Variants in PRELID2 observed in about 807,000 individuals in gnomAD.
PRELID2 encodes PRELI domain containing 2, also known as PRELI domain-containing protein 2.
Under a neutral mutation model 28.4 loss-of-function variants are expected in PRELID2, and 25 were observed. The ratio of observed to expected loss-of-function variants is 0.88; its 90% CI spans 0.64 to 1.23. The LOEUF is 1.23. Ranked by LOEUF, PRELID2 falls within the 50% of genes most tolerant of loss-of-function variation. The pLI, the probability that PRELID2 is intolerant of heterozygous loss-of-function variation, is 0.00. For synonymous variants in PRELID2, 76 were observed against 71.6 expected, an observed-to-expected ratio of 1.06 and a Z score of -0.31; for missense variants, 201 against 214.4, an observed-to-expected ratio of 0.94 and a Z score of 0.39.
At chr5:145,812,801 A>C (rs762509112) in intron 4 of PRELID2, among the ~76,000 whole-genome samples, 1 of 152,340 alleles carries the variant, frequency 6.6e-6, no homozygotes, top group Non-Finnish European at 1.5e-5. Flanking sequence ...CTATCTTCCC[A>C]TACCTATTAT....
chr5:145,349,938 T>G, the PRELID2 span, among the ~76,000 whole-genome samples: 53 of 152,270 alleles, frequency 3.5e-4, no homozygotes, highest in African/African-American at 1.2e-3. Context: ...ATTAAGCTCA[T>G]ATTATGTGCC....
At chr5:145,260,120 C>T in the PRELID2 span, among the ~76,000 whole-genome samples, 1 of 152,278 alleles carries the variant, frequency 6.6e-6, no homozygotes, top group East Asian at 1.9e-4. Flanking sequence ...GCTTGCTACC[C>T]CTTTGTCTTC....
intron 1 of PRELID2, among the ~76,000 whole-genome samples, chr5:145,643,042 A>G (rs188889641): frequency 5.9e-5 from 9 of 152,288 alleles, no homozygotes; most frequent in East Asian, 1.9e-4. Flanking sequence ...GTTTTTTCCA[A>G]TTCTATGAAG....
intron 1 of PRELID2, among the ~76,000 whole-genome samples, chr5:145,709,743 G>A (rs1755643135): frequency 6.6e-6 from 1 of 152,070 alleles, no homozygotes; most frequent in South Asian, 2.1e-4. Context: ...CAAATACAAT[G>A]CTCAAATAGT....
chr5:145,784,910 A>G (rs142592684), intron 5 of PRELID2, among the ~76,000 whole-genome samples: 396 of 152,216 alleles, frequency 2.6e-3, no homozygotes, highest in African/African-American at 8.3e-3. Flanking sequence ...GAATGATTTT[A>G]TCTTACTTGC....
At chr5:145,767,828 A>G (rs144941945) in intron 5 of PRELID2, among the ~76,000 whole-genome samples, 20 of 152,348 alleles carry the variant, frequency 1.3e-4, no homozygotes, top group African/African-American at 4.8e-4. Context: ...GCTTTACACC[A>G]TCTCTTCCAA....
rs1465705100 is a variant in PRELID2, at chr5:145,522,808, A to C, written n.71-49493T>G. Among the ~76,000 whole-genome samples the C allele has an allele frequency of 2.0e-5, 3 of 151,446 alleles. No homozygotes were observed. In the Admixed American group the frequency reaches 2.0e-4, roughly 10 times the overall value. On this transcript the variant is annotated intron_variant and non_coding_transcript_variant, in intron 1 of 2. Transcript: ENST00000510259. ...GAAGGAAGAAGAGGAGGAGGATGAGAGGGGGAGGAGGAGTAGGAGAAGAAG... is the reference window on the plus strand; with the variant it reads ...GAAGGAAGAAGAGGAGGAGGATGAGCGGGGGAGGAGGAGTAGGAGAAGAAG...
chr5:145,295,906 G>C, the PRELID2 span, among the ~76,000 whole-genome samples: 1 of 152,108 alleles, frequency 6.6e-6, no homozygotes, highest in Non-Finnish European at 1.5e-5. Context: ...TGAGAAAAGT[G>C]AATTAGGACT....
the PRELID2 span, among the ~76,000 whole-genome samples, chr5:145,382,134 G>A: frequency 6.6e-6 from 1 of 151,710 alleles, no homozygotes; most frequent in East Asian, 1.9e-4. Context: ...AAAGTCACTG[G>A]ATGAATTATT....
intron 1 of PRELID2, among the ~76,000 whole-genome samples, chr5:145,641,664 C>A (rs935622589): frequency 6.6e-6 from 1 of 151,478 alleles, no homozygotes; most frequent in Non-Finnish European, 1.5e-5. Flanking sequence ...CTCCCCAAGC[C>A]CCCCAGGGGG....
chr5:145,688,761 C>A (rs187610316), intron 1 of PRELID2, among the ~76,000 whole-genome samples: 1 of 152,110 alleles, frequency 6.6e-6, no homozygotes, highest in Non-Finnish European at 1.5e-5. Context: ...AACTTGCAAA[C>A]GATGCAACTA....
the PRELID2 span, among the ~76,000 whole-genome samples, chr5:145,438,522 T>C: frequency 6.6e-6 from 1 of 152,158 alleles, no homozygotes; most frequent in African/African-American, 2.4e-5. Flanking sequence ...CTCACTATTT[T>C]ACAGAGATGT....
At chr5:145,611,662 T>C (rs966591717) in intron 1 of PRELID2, among the ~76,000 whole-genome samples, 4 of 152,336 alleles carry the variant, frequency 2.6e-5, no homozygotes, top group African/African-American at 9.6e-5. Context: ...AATATACTAT[T>C]ATCAGATACA....
chr5:145,571,976 C>T lies in PRELID2; in HGVS notation n.71-98661G>A, dbSNP rs530095373. Among the ~76,000 whole-genome samples, 129 of 143,640 alleles carry T rather than the reference C, an allele frequency of 9.0e-4. 1 individual carries two copies. Among genetic ancestry groups the T allele is most frequent in the Non-Finnish European group, 9.7e-4 (65 of 67,144 alleles). 94.2% of individuals were successfully genotyped at this position (143,640 alleles called of 152,430 possible). A position where few individuals can be genotyped will look rare whatever the true frequency, so the allele number is the denominator to read the frequency against. On this transcript the variant is annotated intron_variant and non_coding_transcript_variant, in intron 1 of 2. Transcript: ENST00000510259. ...CAGCCTGGGCAACAGAGTGAGACTCCGTCTCAAAAAAAAAAAAGAAAGAAA... is the reference window on the plus strand; with the variant it reads ...CAGCCTGGGCAACAGAGTGAGACTCTGTCTCAAAAAAAAAAAAGAAAGAAA...
intron 1 of PRELID2, among the ~76,000 whole-genome samples, chr5:145,555,203 C>T (rs1752869791): frequency 1.3e-5 from 2 of 152,140 alleles, no homozygotes; most frequent in Admixed American, 1.3e-4. Context: ...ATCCATGAAC[C>T]ACTTGTATCA....
At chr5:145,363,220 C>G in the PRELID2 span, among the ~76,000 whole-genome samples, 65 of 151,852 alleles carry the variant, frequency 4.3e-4, no homozygotes, top group African/African-American at 6.0e-4. Context: ...ACATTGATAG[C>G]CAGTTATCAT....
At chr5:145,243,589 C>T in the PRELID2 span, among the ~76,000 whole-genome samples, 1 of 152,052 alleles carries the variant, frequency 6.6e-6, no homozygotes, top group Non-Finnish European at 1.5e-5. Context: ...TCAGTGTCAT[C>T]ATCACCATCA....
chr5:145,740,422 C>G (rs1310834093), intron 1 of PRELID2, among the ~76,000 whole-genome samples: 1 of 138,618 alleles, frequency 7.2e-6, no homozygotes, highest in Non-Finnish European at 1.5e-5. Flanking sequence ...TAGGTGGTGA[C>G]TACAAAACGT....
chr5:145,765,954 C>A (rs1757725575), intron 5 of PRELID2, among the ~76,000 whole-genome samples: 1 of 152,208 alleles, frequency 6.6e-6, no homozygotes, highest in Admixed American at 6.5e-5. Context: ...TCTTCCTTTT[C>A]AAAGGCCTCC....
Sources: allele counts gnomAD v4.1 joint callset (sites outside exome capture counted in the v4.1 genomes callset), GRCh38; gene constraint gnomAD v4.1.1; transcripts MANE v1.5; gene names NCBI Gene and HGNC (gene_info 2026-07-23, HGNC 2026-07-21).